The following DMXL1 variants were observed in gnomAD, a reference collection of about 807,000 sequenced individuals.
DMXL1 encodes the protein dmX-like protein 1.
A neutral mutation model predicts 319.2 loss-of-function variants in DMXL1; 99 were observed. The observed-to-expected ratio is 0.31, with a 90% CI of 0.26 to 0.37. DMXL1 has a LOEUF of 0.37. Among genes scored for constraint, DMXL1 ranks in the 10% least tolerant of loss-of-function variants. The pLI, the probability that DMXL1 is intolerant of heterozygous loss-of-function variation, is 1.00. For synonymous variants in DMXL1, 1,385 were observed against 1,235.2 expected, an observed-to-expected ratio of 1.12 and a Z score of -2.54; for missense variants, 3,745 against 3,595.6, an observed-to-expected ratio of 1.04 and a Z score of -1.06.
intron 1 of DMXL1, among the ~76,000 whole-genome samples, chr5:119,075,387 A>G (rs1297373532): frequency 6.6e-6 from 1 of 151,558 alleles, no homozygotes. Flanking sequence ...TTACAGGCGC[A>G]CACCACCACG....
At chr5:119,146,225 A>G (rs1466723071) in intron 15 of DMXL1, among the ~76,000 whole-genome samples, 1 of 152,072 alleles carries the variant, frequency 6.6e-6, no homozygotes, top group South Asian at 2.1e-4. Context: ...CACATAGTGA[A>G]TAATAGATTA....
intron 1 of DMXL1, among the ~76,000 whole-genome samples, chr5:119,076,312 T>G (rs563188239): frequency 1.3e-5 from 2 of 152,314 alleles, no homozygotes; most frequent in Non-Finnish European, 2.9e-5. Flanking sequence ...GTAATAAGCA[T>G]CCTTGAGTTT....
At chr5:119,092,254 T>G (rs936474558) in intron 1 of DMXL1, among the ~76,000 whole-genome samples, 4 of 152,174 alleles carry the variant, frequency 2.6e-5, no homozygotes, top group Non-Finnish European at 5.9e-5. Context: ...TATATTTGTT[T>G]TGGGTTTTCT....
chr5:119,107,280 G>A (rs1216634958), intron 4 of DMXL1, among the ~76,000 whole-genome samples: 2 of 151,998 alleles, frequency 1.3e-5, no homozygotes, highest in Non-Finnish European at 2.9e-5. Context: ...GGTTGAGGCT[G>A]CAGTGAGCCA....
intron 7 of DMXL1, among the ~76,000 whole-genome samples, chr5:119,117,278 C>T (rs924987028): frequency 3.9e-5 from 6 of 152,072 alleles, no homozygotes; most frequent in South Asian, 2.1e-4. Flanking sequence ...TGAGCTCAGG[C>T]GATCTGCCTG....
chr5:119,218,424 T>C (rs1210948181), intron 35 of DMXL1, among the ~76,000 whole-genome samples: 2 of 151,982 alleles, frequency 1.3e-5, no homozygotes, highest in African/African-American at 4.8e-5. Context: ...TTTGCTATTT[T>C]TATTTATTTT....
intron 38 of DMXL1, among the ~76,000 whole-genome samples, chr5:119,231,082 CA>C (rs1211044680): frequency 2.0e-5 from 3 of 152,064 alleles, no homozygotes; most frequent in African/African-American, 7.2e-5. Context: ...CTCTGCATAC[CA>C]ATCAAAAAAT....
At chr5:119,184,014 C>T (rs1167401603) in intron 28 of DMXL1, among the ~76,000 whole-genome samples, 1 of 151,642 alleles carries the variant, frequency 6.6e-6, no homozygotes, top group Non-Finnish European at 1.5e-5. Flanking sequence ...AGAAATGCAA[C>T]ATTCATTTAT....
chr5:119,246,987 T>A lies in DMXL1; in HGVS notation c.8923-8T>A, dbSNP rs562879392. On this transcript the variant is annotated splice_region_variant and splice_polypyrimidine_tract_variant and intron_variant, in intron 43 of 43. Transcript: ENST00000539542. Reference sequence around the variant, plus strand: ...CCTAATTTTCCGTTTGTTCTTAATATCTTTCAGATTTGGAGTCTCTCTACC... The same window carrying A: ...CCTAATTTTCCGTTTGTTCTTAATAACTTTCAGATTTGGAGTCTCTCTACC... 3 of 1,586,490 alleles carry A rather than the reference T, an allele frequency of 1.9e-6. No individual in the cohort carries two copies. The South Asian group carries it at 3.4e-5, about 18-fold the overall frequency.
intron 25 of DMXL1, among the ~76,000 whole-genome samples, chr5:119,173,900 G>T (rs1027694591): frequency 3.7e-4 from 56 of 149,984 alleles, no homozygotes; most frequent in African/African-American, 1.4e-3. Context: ...GAGAGCTGAT[G>T]GTGTAGTTCC....
At chr5:119,191,526 A>G (rs1243115366) in intron 29 of DMXL1, among the ~76,000 whole-genome samples, 1 of 152,152 alleles carries the variant, frequency 6.6e-6, no homozygotes, top group Non-Finnish European at 1.5e-5. Flanking sequence ...TTTCACCTCC[A>G]TATTTTGAAG....
chr5:119,164,477 T>G, intron 19 of DMXL1, 30 bp from the exon 20 acceptor site: 2 of 1,592,978 alleles, frequency 1.3e-6, no homozygotes, highest in Non-Finnish European at 1.7e-6. Flanking sequence ...TTTATAATTC[T>G]TATAAACATC....
In DMXL1 at chr5:119,167,691, A is replaced by C. The variant is rs767191664; in HGVS notation, c.5225A>C (p.Lys1742Thr). 2.5e-6 allele frequency: 4 copies of C among 1,613,536 alleles called. No individual in the cohort carries two copies. The highest frequency in any genetic ancestry group is 2.5e-6 in the Non-Finnish European group (3 of 1,179,690). ...GAATTTGATACATCTGCAGCATATA[A>C]ATCTATTTTACGTAAAAAAGTTTTG... ...ESEFDTSAAY[K>T]SILRKKVLGI... Residue 1742 changes from lysine (K) to threonine (T), a missense_variant, in exon 23 of 44, where the codon AAA (lysine) becomes ACA (threonine). By Grantham distance (78) the Lys-to-Thr change is moderately conservative. This residue lies in a region of DMXL1 where 1,382 missense variants were observed against 1,269.5 expected (regional missense o/e 1.09). Coordinates refer to ENST00000539542, the MANE Select transcript of DMXL1 (RefSeq NM_001290321.3).
intron 25 of DMXL1, among the ~76,000 whole-genome samples, chr5:119,173,305 A>T (rs1375200428): frequency 7.0e-6 from 1 of 143,612 alleles, no homozygotes; most frequent in East Asian, 2.0e-4. Context: ...GCACCATTAC[A>T]CTCCAACCTG....
At chr5:119,173,754 GTATATA>G (rs1192629133) in intron 25 of DMXL1, among the ~76,000 whole-genome samples, 4 of 77,956 alleles carry the variant, frequency 5.1e-5, no homozygotes, top group Non-Finnish European at 8.1e-5. Flanking sequence ...ATATGTGTGT[GTATATA>G]TATATATGTG....
At chr5:119,158,275 A>G (rs773690652) in intron 19 of DMXL1, among the ~76,000 whole-genome samples, 1 of 151,212 alleles carries the variant, frequency 6.6e-6, no homozygotes, top group Non-Finnish European at 1.5e-5. Context: ...ATCAGATCAG[A>G]TAATTTGTTG....
At chr5:119,179,539 T>C (rs1776431863) in intron 28 of DMXL1, among the ~76,000 whole-genome samples, 1 of 152,294 alleles carries the variant, frequency 6.6e-6, no homozygotes. Flanking sequence ...AAAAAAATTA[T>C]TGCCAAAATC....
At chr5:119,158,010 C>T (rs1047518526) in intron 19 of DMXL1, among the ~76,000 whole-genome samples, 2 of 151,916 alleles carry the variant, frequency 1.3e-5, no homozygotes, top group Admixed American at 6.6e-5. Context: ...AAATTTCTTT[C>T]ATCAATATTT....
In DMXL1 at chr5:119,183,825, A is replaced by G. The variant is rs192691479; in HGVS notation, c.7135+5581A>G. ...ATATAAATTTTAATTTAAAGTTTAA[A>G]AAGTGTTCTATTCATTCATTTTACA... On this transcript the variant is annotated intron_variant, in intron 28 of 43. Coordinates refer to ENST00000539542, the MANE Select transcript of DMXL1 (RefSeq NM_001290321.3). Among the ~76,000 whole-genome samples the G allele has an allele frequency of 4.2e-3, 644 of 152,302 alleles. 12 individuals are homozygous for G. The highest frequency in any genetic ancestry group is 0.035 in the South Asian group (167 of 4,826).
Sources: gnomAD v4.1 joint callset for allele counts (sites outside exome capture counted in the v4.1 genomes callset) on GRCh38, gnomAD v4.1.1 for gene constraint, gnomAD v4.1.1 regional missense constraint, MANE v1.5 for transcripts, NCBI Gene and HGNC (gene_info 2026-07-23, HGNC 2026-07-21) for gene names.